Variants in TRPC5 observed in about 807,000 individuals in gnomAD.
TRPC5 encodes short transient receptor potential channel 5.
TRPC5 carries 9 observed loss-of-function variants against 56.5 expected under a neutral mutation model. That is an observed-to-expected ratio of 0.16 (90% confidence interval 0.10 to 0.28). The LOEUF (loss-of-function observed/expected upper bound fraction) is 0.28, where lower values mean the gene tolerates loss of function less well. Ranked by LOEUF, TRPC5 falls within the 10% of genes least tolerant of loss-of-function variation. The probability of loss-of-function intolerance (pLI) is 1.00; values close to 1 mark genes in which losing one functional copy is unlikely to be tolerated. For missense variants in TRPC5, 469 were observed against 748.9 expected (o/e 0.63, Z 4.36); for synonymous variants, 282 against 278.5 (o/e 1.01, Z -0.13).
chrX:111,974,718 G>A (rs1351301659), intron 1 of TRPC5, among the ~76,000 whole-genome samples: 1 of 110,927 alleles, frequency 9.0e-6, no homozygotes. Flanking sequence ...CATCACCAGA[G>A]AGCTGTGACT....
intron 3 of TRPC5, among the ~76,000 whole-genome samples, chrX:111,909,164 A>AC (rs1556583180): frequency 4.1e-5 from 1 of 24,412 alleles, no homozygotes; most frequent in Non-Finnish European, 2.6e-4. Flanking sequence ...AAAAAAAAAA[A>AC]AAAAAAAAAC....
chrX:111,949,563 A>C (rs1413724049), intron 2 of TRPC5, among the ~76,000 whole-genome samples: 1 of 112,494 alleles, frequency 8.9e-6, no homozygotes, highest in African/African-American at 3.2e-5. Context: ...AAAAGAAGAT[A>C]TACAAATGGC....
intron 2 of TRPC5, among the ~76,000 whole-genome samples, chrX:111,923,985 G>A (rs1425057957): frequency 9.0e-6 from 1 of 111,680 alleles, no homozygotes; most frequent in East Asian, 2.8e-4. Context: ...ATAAATCAAT[G>A]TGTGATTTTT....
intron 1 of TRPC5, among the ~76,000 whole-genome samples, chrX:112,037,539 C>T (rs1259768362): frequency 9.0e-6 from 1 of 111,256 alleles, no homozygotes; most frequent in East Asian, 2.8e-4. Context: ...ATCTTTCTTC[C>T]AGCATTGCCA....
intron 7 of TRPC5, among the ~76,000 whole-genome samples, chrX:111,787,887 T>G (rs1362272620): frequency 9.0e-6 from 1 of 110,868 alleles, no homozygotes; most frequent in Non-Finnish European, 1.9e-5. Context: ...TCTGAATAGG[T>G]CAATAACAGG....
intron 2 of TRPC5, among the ~76,000 whole-genome samples, chrX:111,913,284 T>C (rs144572546): frequency 0.013 from 1,430 of 111,208 alleles, 14 homozygotes; most frequent in African/African-American, 0.045. Context: ...GGAGAATTAC[T>C]TGGGTAGAGC....
chrX:111,940,172 A>G (rs1467875101), intron 2 of TRPC5, among the ~76,000 whole-genome samples: 1 of 111,597 alleles, frequency 9.0e-6, no homozygotes, highest in Non-Finnish European at 1.9e-5. Context: ...TCATCCCACT[A>G]TTCTTTCAGG....
At chrX:111,835,948 G>C (rs533327928) in intron 6 of TRPC5, among the ~76,000 whole-genome samples, 3 of 111,613 alleles carry the variant, frequency 2.7e-5, no homozygotes, top group Non-Finnish European at 5.6e-5. Flanking sequence ...GAACTTATAA[G>C]CATGTTAGGT....
intron 1 of TRPC5, among the ~76,000 whole-genome samples, chrX:112,051,543 G>A (rs2147734021): frequency 9.0e-6 from 1 of 111,401 alleles, no homozygotes; most frequent in South Asian, 3.8e-4. Flanking sequence ...AAAGCCTAAT[G>A]CTCATGAGAA....
At chrX:112,003,909 G>A (rs1265640178) in intron 1 of TRPC5, among the ~76,000 whole-genome samples, 3 of 111,965 alleles carry the variant, frequency 2.7e-5, no homozygotes, top group South Asian at 3.7e-4. Flanking sequence ...AAAATGCAAC[G>A]GCTACCTAGG....
intron 1 of TRPC5, among the ~76,000 whole-genome samples, chrX:112,050,622 A>T (rs932091262): frequency 8.9e-6 from 1 of 112,439 alleles, no homozygotes; most frequent in African/African-American, 3.2e-5. Flanking sequence ...ACTGAGGCTC[A>T]GAGTGCAAAA....
chrX:112,053,220 G>T (rs778797648), intron 1 of TRPC5, among the ~76,000 whole-genome samples: 69 of 112,066 alleles, frequency 6.2e-4, no homozygotes, highest in Non-Finnish European at 1.2e-3. Flanking sequence ...TTACTCGTGG[G>T]TATACAAATC....
intron 3 of TRPC5, among the ~76,000 whole-genome samples, chrX:111,907,192 C>T (rs1379227226): frequency 2.7e-5 from 3 of 109,752 alleles, no homozygotes; most frequent in African/African-American, 1.0e-4. Context: ...AAATGTGTTC[C>T]ACTAGATCCT....
intron 3 of TRPC5, among the ~76,000 whole-genome samples, chrX:111,867,811 C>T (rs1294974297): frequency 8.9e-6 from 1 of 112,148 alleles, no homozygotes; most frequent in South Asian, 3.7e-4. Flanking sequence ...AACTCTTCCC[C>T]GCCGTAGCAT....
chrX:111,888,632 TGTG>T (rs1924636398), intron 3 of TRPC5, among the ~76,000 whole-genome samples: 2 of 92,730 alleles, frequency 2.2e-5, no homozygotes, highest in Admixed American at 1.3e-4. Context: ...AGGTGGAGGT[TGTG>T]GTGAGCTGAG....
chrX:112,005,356 T>C (rs1928807907), intron 1 of TRPC5, among the ~76,000 whole-genome samples: 1 of 107,499 alleles, frequency 9.3e-6, no homozygotes, highest in Non-Finnish European at 1.9e-5. Context: ...TAATGGGTAC[T>C]AGGCCTAATA....
At chrX:111,960,819 A>G (rs1414152294) in intron 1 of TRPC5, among the ~76,000 whole-genome samples, 1 of 110,410 alleles carries the variant, frequency 9.1e-6, no homozygotes, top group South Asian at 3.8e-4. Flanking sequence ...TTAATTAATT[A>G]TTATTATTAT....
intron 1 of TRPC5, among the ~76,000 whole-genome samples, chrX:111,981,638 A>G (rs1369762278): frequency 2.7e-5 from 3 of 111,835 alleles, no homozygotes; most frequent in Non-Finnish European, 5.6e-5. Context: ...TCAGCCTAAC[A>G]TGATGCAACT....
chrX:112,060,247 G>T (rs1930431213), intron 1 of TRPC5, among the ~76,000 whole-genome samples: 1 of 111,843 alleles, frequency 8.9e-6, no homozygotes, highest in Non-Finnish European at 1.9e-5. Flanking sequence ...GACACCTGAG[G>T]ATATTTACAT....
Sources: gnomAD v4.1 joint callset for allele counts (sites outside exome capture counted in the v4.1 genomes callset) on GRCh38, gnomAD v4.1.1 for gene constraint, MANE v1.5 for transcripts, NCBI Gene and HGNC (gene_info 2026-07-23, HGNC 2026-07-21) for gene names.